Variants in ARHGAP24 observed in about 807,000 individuals in gnomAD.
ARHGAP24 encodes the protein Rho GTPase activating protein 24.
Under a neutral mutation model 76.4 loss-of-function variants are expected in ARHGAP24, and 50 were observed. That is an observed-to-expected ratio of 0.65 (90% confidence interval 0.52 to 0.83). ARHGAP24 has a LOEUF of 0.83. Among genes scored for constraint, ARHGAP24 ranks in the 40% least tolerant of loss-of-function variants. The pLI, the probability that ARHGAP24 is intolerant of heterozygous loss-of-function variation, is 0.00. For missense variants in ARHGAP24, 930 were observed against 914.2 expected, an observed-to-expected ratio of 1.02 and a Z score of -0.22; for synonymous variants, 345 against 323.3, an observed-to-expected ratio of 1.07 and a Z score of -0.72.
chr4:85,563,999 C>A (rs1296372668), intron 1 of ARHGAP24, among the ~76,000 whole-genome samples: 1 of 152,118 alleles, frequency 6.6e-6, no homozygotes, highest in Non-Finnish European at 1.5e-5. Context: ...AAAAATAAAT[C>A]TATCACTCCA....
chr4:85,973,591 T>G (rs958197401), intron 6 of ARHGAP24, among the ~76,000 whole-genome samples: 4 of 152,186 alleles, frequency 2.6e-5, no homozygotes, highest in African/African-American at 9.7e-5. Flanking sequence ...CTAAGAAGAC[T>G]TTGCTTAATA....
At chr4:85,999,385 G>A (rs1740871431) in intron 9 of ARHGAP24, among the ~76,000 whole-genome samples, 1 of 152,198 alleles carries the variant, frequency 6.6e-6, no homozygotes, top group African/African-American at 2.4e-5. Context: ...TGCTTACAAA[G>A]AGAAGGAAGA....
chr4:85,753,406 T>C (rs1389219370), intron 3 of ARHGAP24, among the ~76,000 whole-genome samples: 6 of 152,194 alleles, frequency 3.9e-5, no homozygotes, highest in Non-Finnish European at 7.3e-5. Flanking sequence ...AGTTAGGTAG[T>C]CATTCTGTAG....
chr4:85,797,329 C>G (rs976628377), intron 3 of ARHGAP24, among the ~76,000 whole-genome samples: 3 of 151,966 alleles, frequency 2.0e-5, no homozygotes, highest in African/African-American at 7.2e-5. Flanking sequence ...CCCGCCACCA[C>G]GCCCAGCTAA....
chr4:85,797,685 C>T (rs1193144139), intron 3 of ARHGAP24, among the ~76,000 whole-genome samples: 1 of 152,238 alleles, frequency 6.6e-6, no homozygotes, highest in African/African-American at 2.4e-5. Context: ...AACAAAATTT[C>T]TCTTCTTGTC....
Position 85,659,529 on chromosome 4 carries a change from A to G in ARHGAP24, c.181-62356A>G, listed in dbSNP as rs1722302048. ...TAGCTTCTGGTATTTCAACATATAT[A>G]AAAAAGTATGAATATAGCGGCCATA... On this transcript the variant is annotated intron_variant, in intron 2 of 9. Transcript: ENST00000395184. 3.3e-5 allele frequency among the ~76,000 whole-genome samples: 5 copies of G among 152,348 alleles called. No homozygotes were observed. In the South Asian group the frequency reaches 1.0e-3, roughly 32 times the overall value.
chr4:85,531,380 T>A (rs1014550835), intron 1 of ARHGAP24, among the ~76,000 whole-genome samples: 9 of 152,148 alleles, frequency 5.9e-5, no homozygotes, highest in African/African-American at 1.9e-4. Context: ...TAGAAAAATG[T>A]TGAGTTCTCT....
chr4:85,616,468 A>G (rs577766357), intron 2 of ARHGAP24, among the ~76,000 whole-genome samples: 160 of 152,322 alleles, frequency 1.1e-3, no homozygotes, highest in African/African-American at 3.6e-3. Flanking sequence ...AAAGCCTGTC[A>G]ATATTCTAAT....
At chr4:85,801,130 C>T (rs1029050983) in intron 3 of ARHGAP24, among the ~76,000 whole-genome samples, 1 of 151,786 alleles carries the variant, frequency 6.6e-6, no homozygotes, top group Non-Finnish European at 1.5e-5. Context: ...ATTTTTTATC[C>T]TTTTTTTGTT....
At chr4:85,968,181 T>C (rs1738745379) in intron 5 of ARHGAP24, among the ~76,000 whole-genome samples, 1 of 152,140 alleles carries the variant, frequency 6.6e-6, no homozygotes, top group Non-Finnish European at 1.5e-5. Context: ...GCATCTCGTA[T>C]CTCAGTGATT....
At chr4:85,716,791 A>G (rs1472076325) in intron 2 of ARHGAP24, among the ~76,000 whole-genome samples, 4 of 152,152 alleles carry the variant, frequency 2.6e-5, no homozygotes, top group Non-Finnish European at 5.9e-5. Context: ...AAAAACAGAG[A>G]GGAACCCCTG....
chr4:85,891,266 C>T (rs1182576572), intron 3 of ARHGAP24, among the ~76,000 whole-genome samples: 1 of 151,574 alleles, frequency 6.6e-6, no homozygotes, highest in Non-Finnish European at 1.5e-5. Context: ...TGGGCTGAGA[C>T]GATGGGGTTT....
intron 3 of ARHGAP24, among the ~76,000 whole-genome samples, chr4:85,895,247 T>C (rs897629557): frequency 6.6e-6 from 1 of 152,084 alleles, no homozygotes; most frequent in Non-Finnish European, 1.5e-5. Flanking sequence ...ACAGAATTGC[T>C]AAAGGAATAA....
intron 3 of ARHGAP24, among the ~76,000 whole-genome samples, chr4:85,861,825 C>T (rs17011102): frequency 0.11 from 17,348 of 151,976 alleles, 996 homozygotes; most frequent in Middle Eastern, 0.14. Flanking sequence ...TCCCTGCTTC[C>T]GAACACTATA....
At chr4:85,488,176 A>C (rs1014027090) in intron 1 of ARHGAP24, among the ~76,000 whole-genome samples, 1 of 151,770 alleles carries the variant, frequency 6.6e-6, no homozygotes, top group African/African-American at 2.4e-5. Flanking sequence ...TAGCAAGCCG[A>C]AGCCACCTTG....
intron 2 of ARHGAP24, among the ~76,000 whole-genome samples, chr4:85,644,117 G>A (rs889375194): frequency 1.3e-5 from 2 of 152,092 alleles, no homozygotes; most frequent in African/African-American, 4.8e-5. Context: ...TTATGTGAAG[G>A]GCAAGTGACT....
intron 3 of ARHGAP24, among the ~76,000 whole-genome samples, chr4:85,913,883 C>A (rs963265679): frequency 3.3e-5 from 5 of 152,122 alleles, no homozygotes; most frequent in Non-Finnish European, 7.4e-5. Context: ...TGGATTTGAA[C>A]ATTTTAATCC....
chr4:85,605,139 A>C (rs535921229), intron 2 of ARHGAP24, among the ~76,000 whole-genome samples: 1 of 152,176 alleles, frequency 6.6e-6, no homozygotes, highest in East Asian at 1.9e-4. Flanking sequence ...AATGTAAGTG[A>C]TTTTTCTTTT....
chr4:85,538,961 G>T (rs1725577027), intron 1 of ARHGAP24, among the ~76,000 whole-genome samples: 1 of 152,128 alleles, frequency 6.6e-6, no homozygotes, highest in African/African-American at 2.4e-5. Context: ...ATTTTGCAAA[G>T]AATTCGTTTC....
Sources: allele counts gnomAD v4.1 joint callset (sites outside exome capture counted in the v4.1 genomes callset), GRCh38; gene constraint gnomAD v4.1.1; transcripts MANE v1.5; gene names NCBI Gene and HGNC (gene_info 2026-07-23, HGNC 2026-07-21).